PCBP4: variants seen among roughly 807,000 people sequenced by gnomAD.
PCBP4 encodes the protein poly(rC)-binding protein 4.
Under a neutral mutation model 46.2 loss-of-function variants are expected in PCBP4, and 24 were observed. That is an observed-to-expected ratio of 0.52 (90% confidence interval 0.38 to 0.73). The LOEUF (loss-of-function observed/expected upper bound fraction) is 0.73, where lower values mean the gene tolerates loss of function less well. Ranked by LOEUF, PCBP4 falls within the 30% of genes least tolerant of loss-of-function variation. The pLI is 0.00. For missense variants in PCBP4, 407 were observed against 537.0 expected (o/e 0.76, Z 2.39); for synonymous variants, 203 against 224.4 (o/e 0.90, Z 0.85).
Position 51,959,291 on chromosome 3 carries a change from A to C in PCBP4, c.638T>G (p.Val213Gly), listed in dbSNP as rs573897143. 2.7e-5 allele frequency: 43 copies of C among 1,613,910 alleles called. No individual in the cohort carries two copies. The Admixed American group carries it at 5.5e-4, about 21-fold the overall frequency. Residue 213 changes from valine (V) to glycine (G), a missense_variant and splice_region_variant, in exon 11 of 14, where the codon GTC becomes GGC. Transcript: ENST00000461554. The surrounding 1 kb of genome is among the most constrained non-coding windows in gnomAD (Gnocchi z 5.6). ...GCTTGAGAGCTGCTGGAGCTTGGTGACCTGTGCCAAAGAGGGGTCAGAGGT... is the reference window on the plus strand; with the variant it reads ...GCTTGAGAGCTGCTGGAGCTTGGTGCCCTGTGCCAAAGAGGGGTCAGAGGT... ...GQYGAVTPAE[V>G]TKLQQLSSHA...
At chr3:51,961,809 T>C in intron 2 of PCBP4, 132 bp downstream of exon 2, 1 of 979,402 alleles carries the variant, frequency 1.0e-6, no homozygotes, top group Non-Finnish European at 1.2e-6. Flanking sequence ...GAAGAGCAGC[T>C]GGGGAGGAAG....
Position 51,960,455 on chromosome 3 carries a change from A to G in PCBP4, c.255+71T>C. The stretch of plus-strand genomic sequence containing the variant: ...TTGACCTCCCCTCCCACCCATAGCC[A>G]CTATCTGGAGTCAGAGTTGGGTTCC... On this transcript the variant is annotated intron_variant, in intron 6 of 13. Transcript: ENST00000461554. This position sits in a 1 kb window ranked among gnomAD's most constrained non-coding sequence, Gnocchi z 5.0. The G allele has an allele frequency of 6.5e-7, 1 of 1,549,146 alleles. No homozygotes were observed. Among genetic ancestry groups the G allele is most frequent in the Non-Finnish European group, 8.9e-7 (1 of 1,122,506 alleles).
intron 2 of PCBP4, 101 bp from the exon 3 acceptor site, chr3:51,961,405 G>A: frequency 7.7e-7 from 1 of 1,297,492 alleles, no homozygotes; most frequent in South Asian, 1.5e-5. Context: ...ACTCCCAGAG[G>A]AAAGAGACTG....
rs538425795 is a variant in PCBP4 at position 51,960,704 on chromosome 3, G to T, written c.139-62C>A. 6.7e-7 allele frequency: 1 copy of T among 1,498,596 alleles called. No homozygotes were observed. Among genetic ancestry groups the T allele is most frequent in the African/African-American group, 1.4e-5 (1 of 72,614 alleles). The allele number at this position is 1,498,596 out of a possible 1,614,324, so 92.8% of individuals were successfully genotyped here. A position where few individuals can be genotyped will look rare whatever the true frequency, so the allele number is the denominator to read the frequency against. On this transcript the variant is annotated intron_variant, in intron 5 of 13. Transcript: ENST00000461554. This position sits in a 1 kb window ranked among gnomAD's most constrained non-coding sequence, Gnocchi z 5.0. ...CTTCCCTGCTCCCTTGCCGGAACTTGTCTGCCTGCCCCACTCACCAGGCCT... is the reference window on the plus strand; with the variant it reads ...CTTCCCTGCTCCCTTGCCGGAACTTTTCTGCCTGCCCCACTCACCAGGCCT...
At position 51,959,800 on chromosome 3, in the gene PCBP4, C is replaced by A; in HGVS notation, c.516+95G>T. 6.6e-7 allele frequency: 1 copy of A among 1,524,820 alleles called. No homozygotes were observed. Among genetic ancestry groups the A allele is most frequent in the Non-Finnish European group, 8.9e-7 (1 of 1,127,458 alleles). The allele number at this position is 1,524,820 out of a possible 1,614,324, so 94.5% of individuals were successfully genotyped here. A position where few individuals can be genotyped will look rare whatever the true frequency, so the allele number is the denominator to read the frequency against. ...CATCCATCCCTGCAGCCCTGCCCTGCCCCACCTGCAGCACAGGCATAGGGT... is the reference window on the plus strand; with the variant it reads ...CATCCATCCCTGCAGCCCTGCCCTGACCCACCTGCAGCACAGGCATAGGGT... On this transcript the variant is annotated intron_variant, in intron 8 of 13. Coordinates refer to ENST00000461554, the MANE Select transcript of PCBP4 (RefSeq NM_001174100.2). The surrounding 1 kb of genome is among the most constrained non-coding windows in gnomAD (Gnocchi z 5.6).
Position 51,959,736 on chromosome 3 carries a change from A to T in PCBP4, c.517-85T>A, listed in dbSNP as rs186252336. 7.6e-5 allele frequency: 112 copies of T among 1,470,500 alleles called. 1 individual carries two copies. In the African/African-American group the frequency reaches 1.3e-3, roughly 17 times the overall value. 91.1% of individuals were successfully genotyped at this position (1,470,500 alleles called of 1,614,324 possible). A position where few individuals can be genotyped will look rare whatever the true frequency, so the allele number is the denominator to read the frequency against. On this transcript the variant is annotated intron_variant, in intron 8 of 13. Coordinates refer to ENST00000461554, the MANE Select transcript of PCBP4 (RefSeq NM_001174100.2). The surrounding 1 kb of genome is among the most constrained non-coding windows in gnomAD (Gnocchi z 5.6). Reference sequence around the variant, plus strand: ...TGCCCAGTGGCCTCAGGCCCCCACCATGACCCCCAGGGAAATGCACATGAT... The same window carrying T: ...TGCCCAGTGGCCTCAGGCCCCCACCTTGACCCCCAGGGAAATGCACATGAT...
chr3:51,962,861 C>A (rs1373981028), intron 1 of PCBP4: 1 of 152,312 alleles, frequency 6.6e-6, no homozygotes, highest in African/African-American at 2.4e-5. Flanking sequence ...GCTCCTCCTT[C>A]CATTTGAGTT....
chr3:51,958,046 G>A lies in PCBP4; in HGVS notation c.*15C>T. 6.5e-7 allele frequency: 1 copy of A among 1,529,870 alleles called. No individual in the cohort carries two copies. Among genetic ancestry groups the A allele is most frequent in the Non-Finnish European group, 8.8e-7 (1 of 1,140,008 alleles). The allele number at this position is 1,529,870 out of a possible 1,614,324, so 94.8% of individuals were successfully genotyped here. A position where few individuals can be genotyped will look rare whatever the true frequency, so the allele number is the denominator to read the frequency against. On this transcript the variant is annotated 3_prime_UTR_variant, in exon 14 of 14. Transcript: ENST00000461554. The surrounding 1 kb of genome is among the most constrained non-coding windows in gnomAD (Gnocchi z 5.4). ...CTGGTGGTCCTGCCTGCCCCTGCCT[G>A]TACCTCAGCTGGCCTCAGTAGGGGG...
In PCBP4 at chr3:51,959,735, C is replaced by T; in HGVS notation, c.517-84G>A. On this transcript the variant is annotated intron_variant, in intron 8 of 13. Coordinates refer to ENST00000461554, the MANE Select transcript of PCBP4 (RefSeq NM_001174100.2). This position sits in a 1 kb window ranked among gnomAD's most constrained non-coding sequence, Gnocchi z 5.6. ...CTGCCCAGTGGCCTCAGGCCCCCACCATGACCCCCAGGGAAATGCACATGA... is the reference window on the plus strand; with the variant it reads ...CTGCCCAGTGGCCTCAGGCCCCCACTATGACCCCCAGGGAAATGCACATGA... 6.8e-7 allele frequency: 1 copy of T among 1,467,876 alleles called. No individual in the cohort carries two copies. Among genetic ancestry groups the T allele is most frequent in the Non-Finnish European group, 9.3e-7 (1 of 1,077,080 alleles). 90.9% of individuals were successfully genotyped at this position (1,467,876 alleles called of 1,614,324 possible).
At position 51,959,964 on chromosome 3, in the gene PCBP4, A is replaced by G; in HGVS notation, c.447T>C (p.Ala149=). 6.2e-7 allele frequency: 1 copy of G among 1,613,884 alleles called. No homozygotes were observed. Among genetic ancestry groups the G allele is most frequent in the Non-Finnish European group, 8.5e-7 (1 of 1,179,816 alleles). The stretch of plus-strand genomic sequence containing the variant: ...CATCAGGCACCCCAGATACCGTAAC[A>G]GCTCGCTCTGTGGAGTTGGGGAGCA... ...GDLLPNSTER[A]VTVSGVPDAI... is the part of the protein sequence containing the mutation. Residue 149 remains alanine, a synonymous_variant, in exon 8 of 14, where the codon GCT becomes GCC. Coordinates refer to ENST00000461554, the MANE Select transcript of PCBP4 (RefSeq NM_001174100.2). This position sits in a 1 kb window ranked among gnomAD's most constrained non-coding sequence, Gnocchi z 5.6.
At chr3:51,965,056 C>T (rs1169477561) in intron 1 of PCBP4, among the ~76,000 whole-genome samples, 3 of 152,226 alleles carry the variant, frequency 2.0e-5, no homozygotes, top group East Asian at 1.9e-4. Flanking sequence ...AAGTCAAGCC[C>T]GGGCCCAGGC....
Position 51,959,924 on chromosome 3 carries a change from C to T in PCBP4, c.487G>A (p.Val163Met). ...SGVPDAIILC[V>M]RQICAVILES... ...AGGATAACAGCGCAGATCTGGCGCA[C>T]ACACAGGATGATGGCATCAGGCACC... Residue 163 changes from valine to methionine, a missense_variant, in exon 8 of 14, where the codon GTG becomes ATG. Physicochemically the swap from Val to Met is conservative, Grantham distance 21. Coordinates refer to ENST00000461554, the MANE Select transcript of PCBP4 (RefSeq NM_001174100.2). The surrounding 1 kb of genome is among the most constrained non-coding windows in gnomAD (Gnocchi z 5.6). 2 of 1,604,908 alleles carry T rather than the reference C, an allele frequency of 1.2e-6. No individual in the cohort carries two copies. The highest frequency in any genetic ancestry group is 4.5e-5 in the East Asian group (2 of 44,746).
intron 1 of PCBP4, among the ~76,000 whole-genome samples, chr3:51,964,198 G>C (rs1380108816): frequency 6.6e-6 from 1 of 152,212 alleles, no homozygotes; most frequent in Non-Finnish European, 1.5e-5. Flanking sequence ...GCTGGAGGAG[G>C]CGGGGGGGTG....
At position 51,960,846 on chromosome 3, in the gene PCBP4, C is replaced by T. The variant is rs761112253; in HGVS notation, c.138+20G>A. ...TCCACATCAGGTGCCCTGGGCTCCTCCCCCAAACTCCATCCTCACCTGCTC... is the reference window on the plus strand; with the variant it reads ...TCCACATCAGGTGCCCTGGGCTCCTTCCCCAAACTCCATCCTCACCTGCTC... On this transcript the variant is annotated intron_variant, in intron 5 of 13. Transcript: ENST00000461554. The surrounding 1 kb of genome is among the most constrained non-coding windows in gnomAD (Gnocchi z 5.0). 8.7e-6 allele frequency: 14 copies of T among 1,613,544 alleles called. No individual in the cohort carries two copies. The highest frequency in any genetic ancestry group is 1.1e-5 in the Non-Finnish European group (13 of 1,179,444).
chr3:51,960,024 C>A lies in PCBP4; in HGVS notation c.388-1G>T. ...CCACCTGTACCTGGGCACCCGTAGT[C>A]TGCAAACAGAGAACAGGGGCCACTT... On this transcript the variant is annotated splice_acceptor_variant, in intron 7 of 13. Coordinates refer to ENST00000461554, the MANE Select transcript of PCBP4 (RefSeq NM_001174100.2). LOFTEE classifies it high-confidence loss of function. The surrounding 1 kb of genome is among the most constrained non-coding windows in gnomAD (Gnocchi z 5.0). 6.2e-7 allele frequency: 1 copy of A among 1,614,242 alleles called. No homozygotes were observed. Among genetic ancestry groups the A allele is most frequent in the South Asian group, 1.1e-5 (1 of 91,080 alleles).
chr3:51,959,948 C>T lies in PCBP4; in HGVS notation c.463G>A (p.Val155Met), dbSNP rs930934019. 1.2e-6 allele frequency: 2 copies of T among 1,611,844 alleles called. No homozygotes were observed. Among genetic ancestry groups the T allele is most frequent in the South Asian group, 2.2e-5 (2 of 90,906 alleles). ...STERAVTVSG[V>M]PDAIILCVRQ... ...ACACACAGGATGATGGCATCAGGCA[C>T]CCCAGATACCGTAACAGCTCGCTCT... The change falls in exon 8 of 14, where the codon GTG becomes ATG. Residue 155 changes from valine (V) to methionine (M), a missense_variant. Val to Met is a conservative substitution (Grantham distance 21, BLOSUM62 1). Transcript: ENST00000461554. The surrounding 1 kb of genome is among the most constrained non-coding windows in gnomAD (Gnocchi z 5.6).
rs527247143 is a variant in PCBP4, at chr3:51,959,490, G to A, written c.592-79C>T. On this transcript the variant is annotated intron_variant, in intron 9 of 13. Transcript: ENST00000461554. This position sits in a 1 kb window ranked among gnomAD's most constrained non-coding sequence, Gnocchi z 5.6. Reference sequence around the variant, plus strand: ...AGAGTCACTCCTTCCCCCGTCCCTGGACCTCCAATTCCTTCTTCCATCCCC... The same window carrying A: ...AGAGTCACTCCTTCCCCCGTCCCTGAACCTCCAATTCCTTCTTCCATCCCC... 2 of 1,526,882 alleles carry A rather than the reference G, an allele frequency of 1.3e-6. No homozygotes were observed. The highest frequency in any genetic ancestry group is 1.4e-5 in the African/African-American group (1 of 72,902). 94.6% of individuals were successfully genotyped at this position (1,526,882 alleles called of 1,614,324 possible).
At position 51,961,242 on chromosome 3, in the gene PCBP4, C is replaced by G. The variant is rs1426593450; in HGVS notation, c.-2G>C. 1.2e-6 allele frequency: 2 copies of G among 1,611,380 alleles called. No homozygotes were observed. The highest frequency in any genetic ancestry group is 1.7e-6 in the Non-Finnish European group (2 of 1,179,816). ...CAGTCCCCCGTCCGAGCCGCTCATT[C>G]TGTCAGGCGAGGCTGGGGCCACAGC... On this transcript the variant is annotated 5_prime_UTR_variant, in exon 3 of 14. Coordinates refer to ENST00000461554, the MANE Select transcript of PCBP4 (RefSeq NM_001174100.2).
intron 2 of PCBP4, 199 bp downstream of exon 2, chr3:51,961,742 A>C: frequency 1.0e-6 from 1 of 992,768 alleles, no homozygotes; most frequent in Non-Finnish European, 1.2e-6. Flanking sequence ...TCAGGCTGAA[A>C]GCTTACTCCA....
Sources: gnomAD v4.1 joint callset for allele counts (sites outside exome capture counted in the v4.1 genomes callset) on GRCh38, gnomAD v4.1.1 for gene constraint, Gnocchi (gnomAD v3.1) non-coding constraint, MANE v1.5 for transcripts, NCBI Gene and HGNC (gene_info 2026-07-23, HGNC 2026-07-21) for gene names.